The following ACTL8 variants were observed in gnomAD, a reference collection of about 807,000 sequenced individuals.
ACTL8 encodes actin like 8.
Under a neutral mutation model 9.3 loss-of-function variants are expected in ACTL8, and 3 were observed. The observed-to-expected ratio is 0.32, with a 90% CI of 0.15 to 0.83. The LOEUF is 0.83. Ranked by LOEUF, ACTL8 falls within the 40% of genes least tolerant of loss-of-function variation. ACTL8 has a pLI of 0.57. For synonymous variants in ACTL8, 224 were observed against 205.9 expected (o/e 1.09, Z -0.75); for missense variants, 381 against 492.2 (o/e 0.77, Z 2.14).
chr1:17,778,272 C>T (rs1269734833), intron 1 of ACTL8, among the ~76,000 whole-genome samples: 2 of 152,104 alleles, frequency 1.3e-5, no homozygotes, highest in Non-Finnish European at 1.5e-5. Flanking sequence ...TGGTGCAGGG[C>T]CTGCTCTTTT....
In ACTL8 at chr1:17,779,183, A is replaced by ATGGACCCTCTCCCTCC. The variant is rs2066135813; in HGVS notation, c.-25+23687_-25+23702dup. On this transcript the variant is annotated intron_variant, in intron 1 of 2. Coordinates refer to ENST00000375406, the MANE Select transcript of ACTL8 (RefSeq NM_030812.3). ...ATTTCTCCCCTGGGCATTTGTACCC[A>ATGGACCCTCTCCCTCC]TGGACCCTCTCCCTCCTGGACCCCT... Among the ~76,000 whole-genome samples, 4 of 152,018 alleles carry ATGGACCCTCTCCCTCC rather than the reference A, an allele frequency of 2.6e-5. 1 individual carries two copies. Among genetic ancestry groups the ATGGACCCTCTCCCTCC allele is most frequent in the Admixed American group, 1.3e-4 (2 of 15,248 alleles).
At chr1:17,820,936 C>T (rs1397413555) in intron 1 of ACTL8, among the ~76,000 whole-genome samples, 1 of 152,132 alleles carries the variant, frequency 6.6e-6, no homozygotes, top group Admixed American at 6.5e-5. Context: ...CCAATTTCTC[C>T]ACTTCCTTGT....
chr1:17,822,839 C>T (rs755279899), intron 1 of ACTL8, 146 bp from the exon 2 acceptor site: 30 of 620,436 alleles, frequency 4.8e-5, no homozygotes, highest in Non-Finnish European at 7.0e-5. Flanking sequence ...GTGTTCCAGG[C>T]ACAGGTAATG....
At chr1:17,768,641 G>A (rs2066062769) in intron 1 of ACTL8, among the ~76,000 whole-genome samples, 1 of 152,212 alleles carries the variant, frequency 6.6e-6, no homozygotes, top group South Asian at 2.1e-4. Context: ...CCAGGTCTGG[G>A]GAAGTTTTGG....
Position 17,779,592 on chromosome 1 carries a change from G to A in ACTL8, c.-25+24088G>A, listed in dbSNP as rs563621536. ...AGTCTGGTTCTTCCCCCTGCAAAGC[G>A]CTAAGATGAGCTGGGTGCCTCTCTG... On this transcript the variant is annotated intron_variant, in intron 1 of 2. Transcript: ENST00000375406. 2.6e-5 allele frequency among the ~76,000 whole-genome samples: 4 copies of A among 152,232 alleles called. No homozygotes were observed. In the South Asian group the frequency reaches 6.2e-4, roughly 24 times the overall value.
chr1:17,807,537 C>T (rs1023264524), intron 1 of ACTL8, among the ~76,000 whole-genome samples: 2 of 151,980 alleles, frequency 1.3e-5, no homozygotes, highest in Non-Finnish European at 2.9e-5. Flanking sequence ...GCAAGTATGC[C>T]GTGTTATGTA....
At chr1:17,805,800 T>C (rs1336776786) in intron 1 of ACTL8, among the ~76,000 whole-genome samples, 2 of 152,220 alleles carry the variant, frequency 1.3e-5, no homozygotes, top group African/African-American at 4.8e-5. Flanking sequence ...CCCTGTGCAG[T>C]GTATGGTACA....
chr1:17,795,261 T>C (rs938639446), intron 1 of ACTL8, among the ~76,000 whole-genome samples: 3 of 152,186 alleles, frequency 2.0e-5, no homozygotes, highest in Non-Finnish European at 2.9e-5. Flanking sequence ...TTCCTAGAAG[T>C]TGCAGAAGAC....
intron 1 of ACTL8, among the ~76,000 whole-genome samples, chr1:17,813,982 T>G (rs1477443837): frequency 6.6e-6 from 1 of 152,198 alleles, no homozygotes; most frequent in African/African-American, 2.4e-5. Flanking sequence ...GATCGCAGTC[T>G]TTTGTGTCTT....
At chr1:17,824,952 G>A (rs540824222) in intron 2 of ACTL8, among the ~76,000 whole-genome samples, 3 of 152,200 alleles carry the variant, frequency 2.0e-5, no homozygotes, top group South Asian at 2.1e-4. Flanking sequence ...GAGGGGAGAC[G>A]ATGGGCTTGT....
At chr1:17,763,143 T>C (rs377287049) in intron 1 of ACTL8, among the ~76,000 whole-genome samples, 20 of 152,152 alleles carry the variant, frequency 1.3e-4, no homozygotes, top group African/African-American at 4.3e-4. Context: ...CCCCAGACAC[T>C]GTGGGCTCTG....
At position 17,759,772 on chromosome 1, in the gene ACTL8, T is replaced by C. The variant is rs147009441; in HGVS notation, c.-25+4268T>C. Among the ~76,000 whole-genome samples the C allele has an allele frequency of 3.4e-3, 519 of 152,296 alleles. 5 individuals carry two copies. Among genetic ancestry groups the C allele is most frequent in the African/African-American group, 0.011 (449 of 41,560 alleles). ...TCAGCCCTAGAGAAGGTGCGTTTGC[T>C]TGATACTCTAGCTCAGCACTGGGTG... On this transcript the variant is annotated intron_variant, in intron 1 of 2. Coordinates refer to ENST00000375406, the MANE Select transcript of ACTL8 (RefSeq NM_030812.3).
At chr1:17,812,715 A>G (rs1570040546) in intron 1 of ACTL8, among the ~76,000 whole-genome samples, 1 of 149,372 alleles carries the variant, frequency 6.7e-6, no homozygotes, top group South Asian at 2.1e-4. Context: ...CTGGTCGTGA[A>G]CTCCTGAGCT....
intron 1 of ACTL8, among the ~76,000 whole-genome samples, chr1:17,772,488 C>CT (rs75091913): frequency 0.42 from 63,748 of 151,832 alleles, 13,866 homozygotes; most frequent in East Asian, 0.63. Flanking sequence ...ATACTGGATC[C>CT]CTCATAACTT....
intron 1 of ACTL8, among the ~76,000 whole-genome samples, chr1:17,764,946 G>A (rs985892663): frequency 6.6e-6 from 1 of 152,194 alleles, no homozygotes; most frequent in African/African-American, 2.4e-5. Context: ...TCTGGGTAGG[G>A]GGGCTGTATA....
intron 1 of ACTL8, among the ~76,000 whole-genome samples, chr1:17,801,700 T>TA (rs969367687): frequency 2.0e-5 from 3 of 152,036 alleles, no homozygotes; most frequent in East Asian, 1.9e-4. Flanking sequence ...AAAGTAAATG[T>TA]AAAAAAAACA....
chr1:17,765,421 G>A (rs2066037307), intron 1 of ACTL8, among the ~76,000 whole-genome samples: 1 of 152,130 alleles, frequency 6.6e-6, no homozygotes, highest in Non-Finnish European at 1.5e-5. Flanking sequence ...ACAGGACCCT[G>A]TGCTTTTTAC....
At chr1:17,772,666 C>T (rs558679492) in intron 1 of ACTL8, among the ~76,000 whole-genome samples, 4 of 152,264 alleles carry the variant, frequency 2.6e-5, no homozygotes, top group Admixed American at 2.0e-4. Flanking sequence ...CCCTTTTGAA[C>T]GAGAGGGGAG....
intron 1 of ACTL8, among the ~76,000 whole-genome samples, chr1:17,817,634 A>G (rs1242381466): frequency 6.6e-6 from 1 of 151,994 alleles, no homozygotes; most frequent in Admixed American, 6.6e-5. Context: ...GCCCTCAGGC[A>G]CAAATCTTTG....
Sources: allele counts gnomAD v4.1 joint callset (sites outside exome capture counted in the v4.1 genomes callset), GRCh38; gene constraint gnomAD v4.1.1; transcripts MANE v1.5; gene names NCBI Gene and HGNC (gene_info 2026-07-23, HGNC 2026-07-21).